NCOA7: variants seen among roughly 807,000 people sequenced by gnomAD.
NCOA7 encodes 140 kDa estrogen receptor-associated protein.
In NCOA7, 45 loss-of-function variants were observed where a neutral mutation model predicts 104.3. The ratio of observed to expected loss-of-function variants is 0.43; its 90% CI spans 0.34 to 0.55. The LOEUF (loss-of-function observed/expected upper bound fraction) is 0.55. NCOA7 is among the 20% of genes least tolerant of loss of function. The pLI is 0.02. For missense variants in NCOA7, 1,041 were observed against 1,119.7 expected (o/e 0.93, Z 1.00); for synonymous variants, 398 against 402.3 (o/e 0.99, Z 0.13).
At chr6:125,827,019 G>A (rs1405483777) in intron 2 of NCOA7, among the ~76,000 whole-genome samples, 1 of 151,966 alleles carries the variant, frequency 6.6e-6, no homozygotes, top group Admixed American at 6.6e-5. Flanking sequence ...CCAACATGGA[G>A]AAGCCCTGTC....
At chr6:125,848,089 A>G (rs2128612012) in intron 2 of NCOA7, among the ~76,000 whole-genome samples, 2 of 152,112 alleles carry the variant, frequency 1.3e-5, no homozygotes, top group East Asian at 3.9e-4. Flanking sequence ...GCAAATCAAA[A>G]TCACAATGAG....
intron 1 of NCOA7, among the ~76,000 whole-genome samples, chr6:125,806,337 TCTCA>T (rs1776451897): frequency 6.6e-6 from 1 of 152,154 alleles, no homozygotes; most frequent in East Asian, 1.9e-4. Context: ...TGAGACTCCT[TCTCA>T]AAATAAATAA....
chr6:125,901,084 G>C (rs1414294269), intron 10 of NCOA7, among the ~76,000 whole-genome samples: 1 of 152,142 alleles, frequency 6.6e-6, no homozygotes, highest in African/African-American at 2.4e-5. Flanking sequence ...ATTTATGATG[G>C]ACAATACAAG....
chr6:125,905,253 AT>A (rs375646356), intron 10 of NCOA7, among the ~76,000 whole-genome samples: 2,979 of 131,542 alleles, frequency 0.023, 59 homozygotes, highest in African/African-American at 0.062. Context: ...AAGGAATAAG[AT>A]TTTTTTTTTT....
chr6:125,864,925 T>G (rs561243232), intron 3 of NCOA7, among the ~76,000 whole-genome samples: 2 of 138,292 alleles, frequency 1.4e-5, no homozygotes, highest in South Asian at 4.3e-4. Context: ...CTTGATCCAT[T>G]TATGAAAAGA....
chr6:125,887,934 CTTTTA>C (rs903782690), intron 8 of NCOA7, among the ~76,000 whole-genome samples: 3 of 151,926 alleles, frequency 2.0e-5, no homozygotes, highest in African/African-American at 7.3e-5. Flanking sequence ...TTATTTTCAA[CTTTTA>C]TTTTAAGTTC....
At chr6:125,834,196 G>C (rs1250608836) in intron 2 of NCOA7, among the ~76,000 whole-genome samples, 1 of 152,084 alleles carries the variant, frequency 6.6e-6, no homozygotes, top group Non-Finnish European at 1.5e-5. Context: ...ACCATAAAAA[G>C]TTCTCATGAT....
intron 2 of NCOA7, among the ~76,000 whole-genome samples, chr6:125,830,467 T>G (rs1424579041): frequency 1.3e-5 from 2 of 152,116 alleles, no homozygotes; most frequent in Admixed American, 1.3e-4. Flanking sequence ...GGTGGAAGGA[T>G]TGTTTGAGGC....
intron 2 of NCOA7, among the ~76,000 whole-genome samples, chr6:125,835,310 A>G (rs1413030043): frequency 6.6e-6 from 1 of 152,144 alleles, no homozygotes; most frequent in Non-Finnish European, 1.5e-5. Context: ...TTACTTACGC[A>G]AATTCCTGTA....
intron 1 of NCOA7, among the ~76,000 whole-genome samples, chr6:125,784,825 T>C (rs1373919130): frequency 6.6e-6 from 1 of 152,248 alleles, no homozygotes; most frequent in African/African-American, 2.4e-5. Context: ...TTATATAGCA[T>C]TCTTGAAATT....
At chr6:125,900,923 A>G (rs1177501344) in intron 10 of NCOA7, among the ~76,000 whole-genome samples, 2 of 152,174 alleles carry the variant, frequency 1.3e-5, no homozygotes, top group Non-Finnish European at 2.9e-5. Context: ...TCACATGAGA[A>G]TTTCCAGCCA....
chr6:125,864,876 C>T (rs1782318623), intron 3 of NCOA7, among the ~76,000 whole-genome samples: 1 of 137,686 alleles, frequency 7.3e-6, no homozygotes, highest in East Asian at 2.1e-4. Flanking sequence ...CATATTTCTT[C>T]TGTTTTCTTC....
At position 125,840,867 on chromosome 6, in the gene NCOA7, G is replaced by GTTTTT. The variant is rs1305583308; in HGVS notation, c.51-14153_51-14152insTTTTT. Among the ~76,000 whole-genome samples, 14 of 50,654 alleles carry GTTTTT rather than the reference G, an allele frequency of 2.8e-4. 1 individual carries two copies. The highest frequency in any genetic ancestry group is 4.2e-4 in the Non-Finnish European group (11 of 26,142). The allele number at this position is 50,654 out of a possible 152,430, so 33.2% of individuals were successfully genotyped here. A position where few individuals can be genotyped will look rare whatever the true frequency, so the allele number is the denominator to read the frequency against. ...CTTTTATGGTTTTTTTTGTTTGGTT[G>GTTTTT]GTTTTTTTTTTTTTTTTTTTTTTTT... is the stretch of plus-strand genomic sequence containing the variant. On this transcript the variant is annotated intron_variant, in intron 2 of 15. Coordinates refer to ENST00000392477, the MANE Select transcript of NCOA7 (RefSeq NM_181782.5).
At chr6:125,918,902 G>T (rs540391049) in intron 11 of NCOA7, among the ~76,000 whole-genome samples, 1 of 151,238 alleles carries the variant, frequency 6.6e-6, no homozygotes, top group Non-Finnish European at 1.5e-5. Flanking sequence ...GGGATCACAC[G>T]TACCATTTTA....
chr6:125,799,652 G>A (rs1010995543), intron 1 of NCOA7, among the ~76,000 whole-genome samples: 3 of 152,096 alleles, frequency 2.0e-5, no homozygotes, highest in African/African-American at 7.2e-5. Flanking sequence ...TGGTTGGTCA[G>A]GCTGGTCTCG....
intron 10 of NCOA7, among the ~76,000 whole-genome samples, chr6:125,907,185 T>C (rs1255649266): frequency 6.6e-6 from 1 of 152,196 alleles, no homozygotes; most frequent in Non-Finnish European, 1.5e-5. Context: ...GGGAGGCTAC[T>C]GTTGAGGGAA....
chr6:125,809,673 T>C (rs1449065903), intron 1 of NCOA7, among the ~76,000 whole-genome samples: 1 of 152,228 alleles, frequency 6.6e-6, no homozygotes, highest in Non-Finnish European at 1.5e-5. Context: ...ATATAACTAT[T>C]TTCTAGGAGG....
In NCOA7 at chr6:125,930,645, C is replaced by T. The variant is rs553419541; in HGVS notation, c.*1874C>T. Reference sequence around the variant, plus strand: ...GAAAGAGAACAAATTGTCCAGTGGCCTCCTGTCAGATCAACAATTATTATA... The same window carrying T: ...GAAAGAGAACAAATTGTCCAGTGGCTTCCTGTCAGATCAACAATTATTATA... On this transcript the variant is annotated 3_prime_UTR_variant, in exon 16 of 16. Transcript: ENST00000392477. 59 of 152,526 alleles carry T rather than the reference C, an allele frequency of 3.9e-4. 1 individual carries two copies. Among genetic ancestry groups the T allele is most frequent in the Admixed American group, 3.3e-3 (50 of 15,288 alleles). 9.4% of individuals were successfully genotyped at this position (152,526 alleles called of 1,614,324 possible).
intron 2 of NCOA7, among the ~76,000 whole-genome samples, chr6:125,832,797 C>G (rs1239075230): frequency 6.6e-6 from 1 of 152,204 alleles, no homozygotes; most frequent in Non-Finnish European, 1.5e-5. Context: ...AGTGGATGTT[C>G]TTTGGCAGGA....
Sources: gnomAD v4.1 joint callset for allele counts (sites outside exome capture counted in the v4.1 genomes callset) on GRCh38, gnomAD v4.1.1 for gene constraint, MANE v1.5 for transcripts, NCBI Gene and HGNC (gene_info 2026-07-23, HGNC 2026-07-21) for gene names.